TGIF1: variants seen among roughly 807,000 people sequenced by gnomAD.
TGIF1 encodes the protein TGFB induced factor homeobox 1.
TGIF1 carries 4 observed loss-of-function variants against 19.3 expected under a neutral mutation model. The ratio of observed to expected loss-of-function variants is 0.21; its 90% CI spans 0.10 to 0.47. TGIF1 has a LOEUF of 0.47. TGIF1 is among the 20% of genes least tolerant of loss of function. The probability of loss-of-function intolerance (pLI) is 0.98; values close to 1 mark genes in which losing one functional copy is unlikely to be tolerated. For synonymous variants in TGIF1, 122 were observed against 129.3 expected, an observed-to-expected ratio of 0.94 and a Z score of 0.38; for missense variants, 275 against 341.4, an observed-to-expected ratio of 0.81 and a Z score of 1.53.
At chr18:3,423,480 C>T (rs1367625730) in intron 2 of TGIF1, among the ~76,000 whole-genome samples, 1 of 151,980 alleles carries the variant, frequency 6.6e-6, no homozygotes, top group Non-Finnish European at 1.5e-5. Context: ...GACATCGAGA[C>T]CTTCCTGGCT....
intron 2 of TGIF1, among the ~76,000 whole-genome samples, chr18:3,426,916 CTTTTTTTTT>C (rs545236407): frequency 5.0e-5 from 5 of 100,088 alleles, no homozygotes; most frequent in Admixed American, 2.3e-4. Context: ...AGGATGATCT[CTTTTTTTTT>C]TTTTTTTTTT....
At chr18:3,435,103 AT>A (rs1247678550) in intron 2 of TGIF1, among the ~76,000 whole-genome samples, 1 of 152,176 alleles carries the variant, frequency 6.6e-6, no homozygotes, top group African/African-American at 2.4e-5. Flanking sequence ...ATCTTGTCTT[AT>A]TTTTAAAAAC....
At chr18:3,417,014 G>A (rs780246595) in intron 1 of TGIF1, among the ~76,000 whole-genome samples, 7 of 151,698 alleles carry the variant, frequency 4.6e-5, no homozygotes, top group South Asian at 2.1e-4. Flanking sequence ...AATCTCACTC[G>A]GAATTTATCA....
chr18:3,453,037 C>A (rs2083033340), intron 1 of TGIF1, among the ~76,000 whole-genome samples: 1 of 152,204 alleles, frequency 6.6e-6, no homozygotes, highest in South Asian at 2.1e-4. Flanking sequence ...GGGTAGCCAA[C>A]CATACCTTGG....
At chr18:3,453,483 T>C (rs565075953) in intron 1 of TGIF1, among the ~76,000 whole-genome samples, 19 of 151,926 alleles carry the variant, frequency 1.3e-4, no homozygotes, top group African/African-American at 4.6e-4. Context: ...GGTCGGGAGT[T>C]CGAGACCAGC....
chr18:3,427,319 C>CCTCACT (rs1424223186), intron 2 of TGIF1, among the ~76,000 whole-genome samples: 37 of 151,132 alleles, frequency 2.4e-4, no homozygotes, highest in Admixed American at 1.3e-3. Context: ...TGAGATGAAG[C>CCTCACT]CTCACTCTGT....
chr18:3,432,104 G>A (rs1286139501), intron 2 of TGIF1, among the ~76,000 whole-genome samples: 1 of 142,130 alleles, frequency 7.0e-6, no homozygotes, highest in Non-Finnish European at 1.5e-5. Context: ...CTCCAACCTG[G>A]GCAACAGAAC....
chr18:3,450,246 C>T lies in TGIF1; in HGVS notation c.-244C>T. ...GGAGAGGGGAGGGGAGAGAGTTGGG[C>T]GAGGGAGAGCCCCCGGCCGGCTGCC... On this transcript the variant is annotated 5_prime_UTR_variant, in exon 1 of 3. Transcript: ENST00000343820. 1 of 1,426,482 alleles carries T rather than the reference C, an allele frequency of 7.0e-7. No individual in the cohort carries two copies. Among genetic ancestry groups the T allele is most frequent in the Non-Finnish European group, 9.1e-7 (1 of 1,094,516 alleles). 88.4% of individuals were successfully genotyped at this position (1,426,482 alleles called of 1,614,324 possible). A position where few individuals can be genotyped will look rare whatever the true frequency, so the allele number is the denominator to read the frequency against.
chr18:3,436,714 G>A (rs1381115715), intron 2 of TGIF1, among the ~76,000 whole-genome samples: 2 of 152,040 alleles, frequency 1.3e-5, no homozygotes, highest in African/African-American at 2.4e-5. Flanking sequence ...AGCTACCCAG[G>A]AGGCTGAGGC....
At chr18:3,431,661 T>C (rs551300513) in intron 2 of TGIF1, among the ~76,000 whole-genome samples, 74 of 151,810 alleles carry the variant, frequency 4.9e-4, no homozygotes, top group Middle Eastern at 6.8e-3. Flanking sequence ...AGGGTAAAAG[T>C]TTGAGGAATA....
chr18:3,453,110 CT>C (rs1555650182), intron 1 of TGIF1, among the ~76,000 whole-genome samples: 3 of 149,906 alleles, frequency 2.0e-5, no homozygotes, highest in Non-Finnish European at 4.4e-5. Flanking sequence ...TTTTTTTTTT[CT>C]TTTGTTCCTG....
chr18:3,416,782 A>C (rs2143111620), intron 1 of TGIF1, among the ~76,000 whole-genome samples: 1 of 152,048 alleles, frequency 6.6e-6, no homozygotes, highest in South Asian at 2.1e-4. Context: ...AAATACAAAA[A>C]TTAGCCGGGC....
At chr18:3,445,789 C>T (rs967170743), upstream of TGIF1, among the ~76,000 whole-genome samples, 7 of 65,016 alleles carry the variant, frequency 1.1e-4, no homozygotes, top group African/African-American at 3.6e-4. Context: ...AAAAAAAAAG[C>T]GCAGACAGAT....
At chr18:3,441,866 A>G (rs1262721160) in intron 2 of TGIF1, among the ~76,000 whole-genome samples, 3 of 152,178 alleles carry the variant, frequency 2.0e-5, no homozygotes, top group African/African-American at 7.2e-5. Context: ...TAAAACTTTT[A>G]CATTTAAATT....
chr18:3,423,521 A>T (rs745611668), intron 2 of TGIF1, among the ~76,000 whole-genome samples: 5 of 152,010 alleles, frequency 3.3e-5, no homozygotes, highest in Non-Finnish European at 5.9e-5. Context: ...CTACTAAAAA[A>T]ATACAAAAAA....
chr18:3,445,723 CAA>C (rs141550400), upstream of TGIF1, among the ~76,000 whole-genome samples: 120 of 17,696 alleles, frequency 6.8e-3, no homozygotes, highest in African/African-American at 0.02. Context: ...GACTCTGTCT[CAA>C]AAAAAAAAAA....
At chr18:3,449,305 C>CT (rs751377986), upstream of TGIF1, 21 of 802,758 alleles carry the variant, frequency 2.6e-5, no homozygotes, top group Non-Finnish European at 3.2e-5. Flanking sequence ...GTGGTCACCC[C>CT]TTAGCTATAA....
At chr18:3,419,961 G>A (rs554930646) in intron 2 of TGIF1, among the ~76,000 whole-genome samples, 6 of 151,860 alleles carry the variant, frequency 4.0e-5, no homozygotes, top group East Asian at 1.9e-4. Context: ...AACTGAGATC[G>A]TGCCATTGCA....
intron 1 of TGIF1, among the ~76,000 whole-genome samples, chr18:3,454,685 C>T (rs778174634): frequency 3.3e-5 from 5 of 152,096 alleles, no homozygotes; most frequent in Non-Finnish European, 7.4e-5. Flanking sequence ...TTTTTAAAAA[C>T]TTAAATCATC....
Sources: allele counts gnomAD v4.1 joint callset (sites outside exome capture counted in the v4.1 genomes callset), GRCh38; gene constraint gnomAD v4.1.1; transcripts MANE v1.5; gene names NCBI Gene and HGNC (gene_info 2026-07-23, HGNC 2026-07-21).